Variants in UGT3A1 observed in about 807,000 individuals in gnomAD.
UGT3A1 encodes the protein UDP glycosyltransferase family 3 member A1, also known as UDP-glycosyltransferase 3A1.
Under a neutral mutation model 37.6 loss-of-function variants are expected in UGT3A1, and 40 were observed. That is an observed-to-expected ratio of 1.06 (90% CI 0.83 to 1.38). The LOEUF is 1.38. UGT3A1 is among the 40% of genes most tolerant of loss of function. The pLI, the probability that UGT3A1 is intolerant of heterozygous loss-of-function variation, is 0.00. For synonymous variants in UGT3A1, 256 were observed against 232.3 expected (o/e 1.10, Z -0.93); for missense variants, 642 against 634.2 (o/e 1.01, Z -0.13).
chr5:35,985,523 G>A (rs781631184), intron 2 of UGT3A1, among the ~76,000 whole-genome samples: 1 of 152,048 alleles, frequency 6.6e-6, no homozygotes, highest in Non-Finnish European at 1.5e-5. Flanking sequence ...TAGACCAATG[G>A]AACAGAAGAG....
In UGT3A1 at chr5:35,965,816, T is replaced by C; in HGVS notation, c.413A>G (p.Asn138Ser). 2.5e-6 allele frequency: 4 copies of C among 1,614,136 alleles called. No homozygotes were observed. Among genetic ancestry groups the C allele is most frequent in the Non-Finnish European group, 3.4e-6 (4 of 1,180,020 alleles). Residue 138 changes from asparagine to serine, a missense_variant, in exon 4 of 7, where the codon AAC becomes AGC. Transcript: ENST00000274278. ...TGCTTCAACAAATACCAGATCATAG[T>C]TCTCATTCTTTAAGGAATCCATTAT... Reference protein sequence around the residue: ...KDIMDSLKNENYDLVFVEAFD... With the variant: ...KDIMDSLKNESYDLVFVEAFD...
upstream of UGT3A1, among the ~76,000 whole-genome samples, chr5:35,994,878 T>A (rs1397522792): frequency 1.3e-5 from 2 of 152,108 alleles, no homozygotes; most frequent in Non-Finnish European, 2.9e-5. Flanking sequence ...TGGCAAATAG[T>A]CATGCAAATA....
chr5:35,991,062 T>C, intron 1 of UGT3A1, 85 bp downstream of exon 1: 1 of 1,613,558 alleles, frequency 6.2e-7, no homozygotes, highest in Non-Finnish European at 8.5e-7. Flanking sequence ...CCTGGATAAC[T>C]CTGATCAATC....
chr5:35,978,516 A>C (rs2149979805), intron 2 of UGT3A1, among the ~76,000 whole-genome samples: 1 of 152,284 alleles, frequency 6.6e-6, no homozygotes, highest in East Asian at 1.9e-4. Context: ...GTAGGGAAAC[A>C]CACAAGTTTT....
At chr5:35,954,687 C>T (rs1739287426) in intron 6 of UGT3A1, 2 of 587,824 alleles carry the variant, frequency 3.4e-6, no homozygotes, top group East Asian at 5.6e-5. Flanking sequence ...CATACAAAGA[C>T]CAATGATTAA....
intron 4 of UGT3A1, among the ~76,000 whole-genome samples, chr5:35,957,680 A>G (rs1408372670): frequency 6.6e-6 from 1 of 152,164 alleles, no homozygotes; most frequent in Non-Finnish European, 1.5e-5. Flanking sequence ...GATTTTTTTA[A>G]GTTTTTGTTC....
chr5:35,954,596 C>A, intron 6 of UGT3A1, 118 bp from the exon 7 acceptor site: 4 of 1,316,716 alleles, frequency 3.0e-6, no homozygotes, highest in Non-Finnish European at 4.1e-6. Context: ...TGCACCAAGG[C>A]TGGGCTGCAA....
chr5:35,963,192 C>A (rs1209237438), intron 4 of UGT3A1, among the ~76,000 whole-genome samples: 2 of 152,208 alleles, frequency 1.3e-5, no homozygotes, highest in African/African-American at 4.8e-5. Flanking sequence ...CTGTTGAAAA[C>A]CTTTGAGTTC....
intron 3 of UGT3A1, among the ~76,000 whole-genome samples, chr5:35,966,250 G>T (rs1739804584): frequency 6.6e-6 from 1 of 152,182 alleles, no homozygotes; most frequent in South Asian, 2.1e-4. Flanking sequence ...ATCCTGTGAT[G>T]CTCTGTTAAC....
chr5:35,973,906 C>T (rs1423894773), intron 2 of UGT3A1, among the ~76,000 whole-genome samples: 1 of 152,126 alleles, frequency 6.6e-6, no homozygotes, highest in Non-Finnish European at 1.5e-5. Context: ...AGACCTAGAG[C>T]ATTAGCTAAT....
chr5:35,958,947 A>G (rs575589515), intron 4 of UGT3A1, among the ~76,000 whole-genome samples: 1 of 152,348 alleles, frequency 6.6e-6, no homozygotes, highest in East Asian at 1.9e-4. Context: ...AAGCAGTGGT[A>G]GGTACCATGA....
Position 35,965,891 on chromosome 5 carries a change from A to G in UGT3A1, c.338T>C (p.Leu113Pro). 6.4e-7 allele frequency: 1 copy of G among 1,572,650 alleles called. No homozygotes were observed. The highest frequency in any genetic ancestry group is 1.2e-5 in the South Asian group (1 of 82,850). The change falls in exon 4 of 7, where the codon CTA (leucine) becomes CCA (proline). Residue 113 changes from leucine to proline, a missense_variant. Coordinates refer to ENST00000274278, the MANE Select transcript of UGT3A1 (RefSeq NM_152404.4). ...GRKESEALVK[L>P]MEIFGTQCSY... ...ACATTGAGTCCCAAATATTTCCATTAGCTTTACAAGGGCTTCAGATTCTTT... is the reference window on the plus strand; with the variant it reads ...ACATTGAGTCCCAAATATTTCCATTGGCTTTACAAGGGCTTCAGATTCTTT...
rs1236666781 is a variant in UGT3A1, at chr5:35,954,205, T to C, written c.1569A>G (p.Thr523=). The C allele has an allele frequency of 6.2e-7, 1 of 1,613,840 alleles. No homozygotes were observed. Among genetic ancestry groups the C allele is most frequent in the South Asian group, 1.1e-5 (1 of 91,042 alleles). ...TCACCCAAGGCTACACCTAGCCTCA[T>C]GTCTTCTTCACCTTCCTGGCCCCAC... is the stretch of plus-strand genomic sequence containing the variant. ...WLRGARKVKK[T] Residue 523 remains threonine (T), a synonymous_variant, in exon 7 of 7, where the codon ACA becomes ACG. Coordinates refer to ENST00000274278, the MANE Select transcript of UGT3A1 (RefSeq NM_152404.4).
chr5:35,982,391 C>T (rs2126954), intron 2 of UGT3A1, among the ~76,000 whole-genome samples: 1 of 152,134 alleles, frequency 6.6e-6, no homozygotes, highest in Non-Finnish European at 1.5e-5. Flanking sequence ...GCAAGCCCAC[C>T]CCTTGCATCA....
At chr5:35,988,055 C>A (rs978812829) in intron 2 of UGT3A1, among the ~76,000 whole-genome samples, 3 of 152,124 alleles carry the variant, frequency 2.0e-5, no homozygotes, top group Admixed American at 2.0e-4. Context: ...TCAAGTCTCT[C>A]AAGAATAGAA....
chr5:35,997,067 A>G (rs1741113199), intron 2 of UGT3A1, among the ~76,000 whole-genome samples: 4 of 152,130 alleles, frequency 2.6e-5, no homozygotes, highest in Admixed American at 2.6e-4. Flanking sequence ...TATCTGAAAA[A>G]GGGGCTCATT....
At chr5:35,978,511 G>T in intron 2 of UGT3A1, among the ~76,000 whole-genome samples, 1 of 152,122 alleles carries the variant, frequency 6.6e-6, no homozygotes, top group South Asian at 2.1e-4. Flanking sequence ...CTTGTGTAGG[G>T]AAACACACAA....
Position 35,955,626 on chromosome 5 carries a change from T to A in UGT3A1, c.1295+19A>T. On this transcript the variant is annotated intron_variant, in intron 6 of 6. Coordinates refer to ENST00000274278, the MANE Select transcript of UGT3A1 (RefSeq NM_152404.4). ...TCTTCATTCAGCCTTAGTGACCACATGCTTAGAGAGCCACATACCTCTTGT... is the reference window on the plus strand; with the variant it reads ...TCTTCATTCAGCCTTAGTGACCACAAGCTTAGAGAGCCACATACCTCTTGT... The A allele has an allele frequency of 6.2e-7, 1 of 1,613,998 alleles. No individual in the cohort carries two copies. Among genetic ancestry groups the A allele is most frequent in the South Asian group, 1.1e-5 (1 of 91,082 alleles).
Position 35,957,352 on chromosome 5 carries a change from A to G in UGT3A1, c.911T>C (p.Leu304Ser). The G allele has an allele frequency of 6.2e-7, 1 of 1,614,198 alleles. No homozygotes were observed. Among genetic ancestry groups the G allele is most frequent in the Non-Finnish European group, 8.5e-7 (1 of 1,180,024 alleles). The change falls in exon 5 of 7, where the codon TTG becomes TCG. Residue 304 changes from leucine (L) to serine (S), a missense_variant. Leu to Ser is a moderately radical substitution (Grantham distance 145, BLOSUM62 -2). Transcript: ENST00000274278. ...GFVLVAFGSM[L>S]NTHQSQEVLK... ...GACTTCCTGGGACTGATGGGTGTTC[A>G]ACATGGAGCCAAAGGCCACAAGGAC... is the stretch of plus-strand genomic sequence containing the variant.
Sources: gnomAD v4.1 joint callset for allele counts (sites outside exome capture counted in the v4.1 genomes callset) on GRCh38, gnomAD v4.1.1 for gene constraint, MANE v1.5 for transcripts, NCBI Gene and HGNC (gene_info 2026-07-23, HGNC 2026-07-21) for gene names.